Variants in MPP7 observed in about 807,000 individuals in gnomAD.
MPP7 encodes the protein MAGUK p55 subfamily member 7.
MPP7 carries 60 observed loss-of-function variants against 76.5 expected under a neutral mutation model. The observed-to-expected ratio is 0.78, with a 90% confidence interval of 0.64 to 0.97. The LOEUF (loss-of-function observed/expected upper bound fraction) is 0.97, where lower values mean the gene tolerates loss of function less well. MPP7 is among the 50% of genes least tolerant of loss of function. MPP7 has a pLI of 0.00. For synonymous variants in MPP7, 237 were observed against 244.5 expected (o/e 0.97, Z 0.29); for missense variants, 641 against 694.0 (o/e 0.92, Z 0.86).
At chr10:28,123,602 A>G (rs989146819) in intron 8 of MPP7, among the ~76,000 whole-genome samples, 1 of 150,276 alleles carries the variant, frequency 6.7e-6, no homozygotes, top group Non-Finnish European at 1.5e-5. Flanking sequence ...CCAAGTAGCT[A>G]GGACTACAGG....
At chr10:28,320,193 G>A (rs994878157) in intron 2 of MPP7, among the ~76,000 whole-genome samples, 25 of 152,118 alleles carry the variant, frequency 1.6e-4, no homozygotes, top group Admixed American at 4.6e-4. Flanking sequence ...GAAATGGGCC[G>A]AGAAGGTACC....
rs571931633 is a variant in MPP7, at chr10:28,125,768, T to C, written c.448-677A>G. Among the ~76,000 whole-genome samples, 112 of 152,272 alleles carry C rather than the reference T, an allele frequency of 7.4e-4. 2 individuals are homozygous for C. The South Asian group carries it at 0.012, about 17-fold the overall frequency. ...GAACTAGGATTGTAACTAGTACAAATAGAACTAAGTATTGGCATAAGATTA... is the reference window on the plus strand; with the variant it reads ...GAACTAGGATTGTAACTAGTACAAACAGAACTAAGTATTGGCATAAGATTA... On this transcript the variant is annotated intron_variant, in intron 6 of 16. Transcript: ENST00000683449.
At chr10:28,137,986 G>A (rs1317319103) in intron 5 of MPP7, among the ~76,000 whole-genome samples, 1 of 152,178 alleles carries the variant, frequency 6.6e-6, no homozygotes, top group Non-Finnish European at 1.5e-5. Context: ...TCCAGAAGGA[G>A]CTTAACTTTT....
chr10:28,174,258 GC>G (rs151334288), intron 3 of MPP7, among the ~76,000 whole-genome samples: 4,717 of 152,242 alleles, frequency 0.031, 94 homozygotes, highest in South Asian at 0.06. Flanking sequence ...GAGCCTTTTG[GC>G]CCCACTAAGT....
At chr10:28,309,259 C>T (rs1190970363) in intron 2 of MPP7, among the ~76,000 whole-genome samples, 1 of 151,934 alleles carries the variant, frequency 6.6e-6, no homozygotes, top group African/African-American at 2.4e-5. Flanking sequence ...ACTAAAAATA[C>T]AAAAATTAGC....
intron 1 of MPP7, among the ~76,000 whole-genome samples, chr10:28,277,918 A>G (rs1221932038): frequency 1.3e-5 from 2 of 152,074 alleles, no homozygotes; most frequent in African/African-American, 4.8e-5. Context: ...CAGAAAAGGA[A>G]TCCATGAAAA....
At chr10:28,329,093 T>G (rs1265578632) in intron 2 of MPP7, among the ~76,000 whole-genome samples, 1 of 152,242 alleles carries the variant, frequency 6.6e-6, no homozygotes, top group Non-Finnish European at 1.5e-5. Flanking sequence ...CAAGTCTCCT[T>G]GCCCACCTCC....
At chr10:28,251,169 T>A (rs1029422181) in intron 1 of MPP7, among the ~76,000 whole-genome samples, 8 of 152,202 alleles carry the variant, frequency 5.3e-5, no homozygotes, top group African/African-American at 1.9e-4. Flanking sequence ...CATATAAGAA[T>A]ACATCAAAAT....
intron 13 of MPP7, among the ~76,000 whole-genome samples, chr10:28,068,011 A>G (rs1852060743): frequency 6.6e-6 from 1 of 152,162 alleles, no homozygotes; most frequent in African/African-American, 2.4e-5. Context: ...TACAAAAATT[A>G]AGACAAACAA....
At chr10:28,312,618 C>T (rs1841296106) in intron 2 of MPP7, among the ~76,000 whole-genome samples, 1 of 151,976 alleles carries the variant, frequency 6.6e-6, no homozygotes, top group Non-Finnish European at 1.5e-5. Flanking sequence ...CTTTGTAACA[C>T]GTATAATTGG....
At chr10:28,325,364 T>C (rs1457318089) in intron 2 of MPP7, among the ~76,000 whole-genome samples, 2 of 152,098 alleles carry the variant, frequency 1.3e-5, no homozygotes, top group African/African-American at 4.8e-5. Context: ...ATTAAGAACA[T>C]TTTTGGCCAG....
intron 1 of MPP7, among the ~76,000 whole-genome samples, chr10:28,291,064 C>T (rs1029454122): frequency 6.6e-6 from 1 of 152,214 alleles, no homozygotes; most frequent in Non-Finnish European, 1.5e-5. Flanking sequence ...TAAATGCCTA[C>T]TGCTGCACAG....
chr10:28,227,614 G>A (rs1209532494), intron 2 of MPP7, among the ~76,000 whole-genome samples: 1 of 152,110 alleles, frequency 6.6e-6, no homozygotes, highest in East Asian at 1.9e-4. Context: ...ATGGTTTCCA[G>A]CTCCAACCAT....
chr10:28,311,836 T>C (rs1039226768), intron 2 of MPP7, among the ~76,000 whole-genome samples: 2 of 152,154 alleles, frequency 1.3e-5, no homozygotes, highest in Non-Finnish European at 2.9e-5. Context: ...CTCTTGCCCA[T>C]GTCTAGAAAG....
At chr10:28,118,713 C>T in intron 11 of MPP7, 7 of 985,420 alleles carry the variant, frequency 7.1e-6, no homozygotes, top group Middle Eastern at 5.2e-4. Context: ...TGAATGAGTG[C>T]TCCACTTTAA....
intron 5 of MPP7, among the ~76,000 whole-genome samples, chr10:28,138,952 T>C (rs1835429232): frequency 6.6e-6 from 1 of 152,158 alleles, no homozygotes; most frequent in African/African-American, 2.4e-5. Flanking sequence ...AAGAAGACCA[T>C]CCTGTGTATC....
intron 8 of MPP7, among the ~76,000 whole-genome samples, chr10:28,122,628 T>A (rs557167634): frequency 1.3e-5 from 2 of 152,228 alleles, no homozygotes; most frequent in Non-Finnish European, 2.9e-5. Flanking sequence ...TGCCCTGGGC[T>A]TGGCATCACC....
At chr10:28,079,168 T>C (rs1852640109) in intron 12 of MPP7, among the ~76,000 whole-genome samples, 1 of 152,196 alleles carries the variant, frequency 6.6e-6, no homozygotes, top group African/African-American at 2.4e-5. Flanking sequence ...CAAATATGTT[T>C]AGGTGTTTAT....
intron 1 of MPP7, among the ~76,000 whole-genome samples, chr10:28,265,718 CT>C (rs1180193936): frequency 6.6e-6 from 1 of 152,110 alleles, no homozygotes; most frequent in African/African-American, 2.4e-5. Flanking sequence ...CATATCATAG[CT>C]TTTTTAACTT....
Sources: gnomAD v4.1 joint callset for allele counts (sites outside exome capture counted in the v4.1 genomes callset) on GRCh38, gnomAD v4.1.1 for gene constraint, MANE v1.5 for transcripts, NCBI Gene and HGNC (gene_info 2026-07-23, HGNC 2026-07-21) for gene names.